The following AZIN2 variants were observed in gnomAD, a reference collection of about 807,000 sequenced individuals.
AZIN2 encodes the protein antizyme inhibitor 2.
Under a neutral mutation model 47.8 loss-of-function variants are expected in AZIN2, and 28 were observed. That is an observed-to-expected ratio of 0.59 (90% CI 0.43 to 0.80). The LOEUF (loss-of-function observed/expected upper bound fraction) is 0.80, where lower values mean the gene tolerates loss of function less well. AZIN2 is among the 30% of genes least tolerant of loss of function. The pLI is 0.00. For synonymous variants in AZIN2, 221 were observed against 239.4 expected, an observed-to-expected ratio of 0.92 and a Z score of 0.71; for missense variants, 535 against 582.5, an observed-to-expected ratio of 0.92 and a Z score of 0.84.
chr1:33,108,342 CTTT>C (rs34834263), intron 10 of AZIN2, among the ~76,000 whole-genome samples: 14 of 134,738 alleles, frequency 1.0e-4, no homozygotes, highest in Admixed American at 7.5e-5. Context: ...TTCAGATTGA[CTTT>C]TTTTTTTTTT....
At chr1:33,096,921 G>A (rs767936625) in intron 9 of AZIN2, 52 bp downstream of exon 9, 1 of 1,609,306 alleles carries the variant, frequency 6.2e-7, no homozygotes, top group Admixed American at 1.7e-5. Flanking sequence ...GCTTCAGATA[G>A]TGGTTGGCTG....
downstream of AZIN2, among the ~76,000 whole-genome samples, chr1:33,127,623 T>G (rs2124688308): frequency 6.6e-6 from 1 of 152,342 alleles, no homozygotes; most frequent in South Asian, 2.1e-4. Flanking sequence ...GCGCATCAGC[T>G]ACTTTCGCTT....
In AZIN2 at chr1:33,082,547, T is replaced by C; in HGVS notation, c.105+193T>C. 9.8e-6 allele frequency: 5 copies of C among 510,346 alleles called. No homozygotes were observed. In the South Asian group the frequency reaches 1.2e-4, roughly 12 times the overall value. The allele number at this position is 510,346 out of a possible 1,614,324, so 31.6% of individuals were successfully genotyped here. A position where few individuals can be genotyped will look rare whatever the true frequency, so the allele number is the denominator to read the frequency against. ...CCAAACCTGCCCCTCCTATGTTGCC[T>C]TTTTACCCAGCCCTCCAAGGTCAGA... On this transcript the variant is annotated intron_variant, in intron 4 of 11. Transcript: ENST00000294517.
At chr1:33,118,946 G>A (rs1041686594) in intron 11 of AZIN2, 1 of 152,334 alleles carries the variant, frequency 6.6e-6, no homozygotes, top group African/African-American at 2.4e-5. Flanking sequence ...ATCACAGAGA[G>A]GTCATTCTTC....
the AZIN2 span, chr1:33,159,911 C>G: frequency 6.2e-7 from 1 of 1,608,108 alleles, no homozygotes; most frequent in Non-Finnish European, 8.5e-7. This position sits in a 1 kb window ranked among gnomAD's most constrained non-coding sequence, Gnocchi z 4.2. Flanking sequence ...TCGAAGGCCT[C>G]GCCGATAGTG....
At position 33,093,429 on chromosome 1, in the gene AZIN2, A is replaced by G. The variant is rs778785733; in HGVS notation, c.587+13A>G. Reference sequence around the variant, plus strand: ...TGGTGGGTGTGAGGTGAGCACTGGGAACCCCTGCCATCCCCTCCCACACCA... The same window carrying G: ...TGGTGGGTGTGAGGTGAGCACTGGGGACCCCTGCCATCCCCTCCCACACCA... On this transcript the variant is annotated intron_variant, in intron 7 of 11. Coordinates refer to ENST00000294517, the MANE Select transcript of AZIN2 (RefSeq NM_052998.4). The G allele has an allele frequency of 6.2e-7, 1 of 1,611,486 alleles. No individual in the cohort carries two copies. Among genetic ancestry groups the G allele is most frequent in the South Asian group, 1.1e-5 (1 of 90,750 alleles).
chr1:33,098,211 T>TTG, intron 10 of AZIN2, 32 bp downstream of exon 10: 7 of 1,456,524 alleles, frequency 4.8e-6, no homozygotes, highest in Admixed American at 1.9e-5. Context: ...CTGTTTTCAG[T>TTG]TGTGTGTGTG....
downstream of AZIN2, among the ~76,000 whole-genome samples, chr1:33,126,327 T>A (rs2124687087): frequency 6.6e-6 from 1 of 152,314 alleles, no homozygotes; most frequent in African/African-American, 2.4e-5. Flanking sequence ...CCTGTATTTG[T>A]CCCTATTAAA....
At chr1:33,159,770 C>T in the AZIN2 span, 1 of 1,613,752 alleles carries the variant, frequency 6.2e-7, no homozygotes, top group East Asian at 2.2e-5. The surrounding 1 kb of genome is among the most constrained non-coding windows in gnomAD (Gnocchi z 4.2). Flanking sequence ...TGGGCTCCCT[C>T]CTGGACCTTG....
At chr1:33,087,952 T>C (rs1249960126) in intron 5 of AZIN2, among the ~76,000 whole-genome samples, 2 of 152,060 alleles carry the variant, frequency 1.3e-5, no homozygotes, top group Non-Finnish European at 2.9e-5. Flanking sequence ...TGCATATTGC[T>C]CTCCATCCCT....
the AZIN2 span, among the ~76,000 whole-genome samples, chr1:33,136,488 C>T: frequency 2.0e-5 from 3 of 151,806 alleles, no homozygotes; most frequent in African/African-American, 7.3e-5. Flanking sequence ...CATGCCTCAG[C>T]CTACCGAGTA....
chr1:33,130,020 T>A, the AZIN2 span, among the ~76,000 whole-genome samples: 1 of 152,126 alleles, frequency 6.6e-6, no homozygotes, highest in East Asian at 1.9e-4. Flanking sequence ...CCACCATGCC[T>A]GGCTAATTTT....
intron 10 of AZIN2, among the ~76,000 whole-genome samples, chr1:33,105,644 C>T (rs902032814): frequency 2.6e-5 from 4 of 152,190 alleles, no homozygotes; most frequent in Middle Eastern, 3.4e-3. Flanking sequence ...CGAAACTGCC[C>T]GCCATGATCC....
chr1:33,151,291 C>T, the AZIN2 span, among the ~76,000 whole-genome samples: 1 of 152,016 alleles, frequency 6.6e-6, no homozygotes, highest in African/African-American at 2.4e-5. Context: ...ACTGGGCCGG[C>T]CTAGGGGCAG....
the AZIN2 span, among the ~76,000 whole-genome samples, chr1:33,133,840 A>G: frequency 1.3e-5 from 2 of 152,346 alleles, no homozygotes; most frequent in African/African-American, 4.8e-5. Flanking sequence ...CAAGTGGCCA[A>G]TTGTTCTTCC....
At chr1:33,125,264 GC>G (rs1421474668), downstream of AZIN2, among the ~76,000 whole-genome samples, 2 of 152,146 alleles carry the variant, frequency 1.3e-5, no homozygotes, top group Non-Finnish European at 2.9e-5. Flanking sequence ...CCTCTTCCTG[GC>G]ACCTTTAGGT....
the AZIN2 span, chr1:33,162,924 G>A: frequency 6.6e-6 from 1 of 152,240 alleles, no homozygotes; most frequent in Non-Finnish European, 1.5e-5. Context: ...TGGGACTTCA[G>A]GTTGGTCCCT....
Position 33,084,089 on chromosome 1 carries a change from C to A in AZIN2, c.241C>A (p.Leu81Met), listed in dbSNP as rs777315147. ...CNSSPGVLKV[L>M]AQLGLGFSCA... ...CAGCAGCCCAGGTGTGCTGAAGGTT[C>A]TGGCCCAGCTGGGGCTGGGCTTTAG... Residue 81 changes from leucine to methionine, a missense_variant, in exon 5 of 12, where the codon CTG (leucine) becomes ATG (methionine). This residue lies in a region of AZIN2 where 409 missense variants were observed against 429.0 expected (regional missense o/e 0.95). Coordinates refer to ENST00000294517, the MANE Select transcript of AZIN2 (RefSeq NM_052998.4). 29 of 1,613,028 alleles carry A rather than the reference C, an allele frequency of 1.8e-5. No individual in the cohort carries two copies. The highest frequency in any genetic ancestry group is 1.5e-4 in the Admixed American group (9 of 60,014).
the AZIN2 span, among the ~76,000 whole-genome samples, chr1:33,141,263 G>A: frequency 3.3e-5 from 5 of 151,884 alleles, no homozygotes; most frequent in Non-Finnish European, 7.4e-5. Context: ...TCTCCTCTGA[G>A]CACCTCCCTC....
Sources: gnomAD v4.1 joint callset for allele counts (sites outside exome capture counted in the v4.1 genomes callset) on GRCh38, gnomAD v4.1.1 for gene constraint, gnomAD v4.1.1 regional missense constraint, Gnocchi (gnomAD v3.1) non-coding constraint, MANE v1.5 for transcripts, NCBI Gene and HGNC (gene_info 2026-07-23, HGNC 2026-07-21) for gene names.